GPR107: variants seen among roughly 807,000 people sequenced by gnomAD.
The protein encoded by GPR107 is G protein-coupled receptor 107.
In GPR107, 31 loss-of-function variants were observed where a neutral mutation model predicts 75.5. The observed-to-expected ratio is 0.41, with a 90% CI of 0.31 to 0.55. The LOEUF (loss-of-function observed/expected upper bound fraction) is 0.55, where lower values mean the gene tolerates loss of function less well. Among genes scored for constraint, GPR107 ranks in the 20% least tolerant of loss-of-function variants. GPR107 has a pLI of 0.26. For synonymous variants in GPR107, 267 were observed against 251.3 expected (o/e 1.06, Z -0.59); for missense variants, 572 against 665.7 (o/e 0.86, Z 1.55).
At chr9:130,128,609 CTT>C in intron 16 of GPR107, 29 bp from the exon 17 acceptor site, 2 of 1,591,570 alleles carry the variant, frequency 1.3e-6, no homozygotes, top group Non-Finnish European at 1.7e-6. Flanking sequence ...TTGCTAATCT[CTT>C]TATTTTGGGG....
At chr9:130,065,054 T>G (rs1271063759) in intron 1 of GPR107, among the ~76,000 whole-genome samples, 1 of 152,182 alleles carries the variant, frequency 6.6e-6, no homozygotes, top group Non-Finnish European at 1.5e-5. Flanking sequence ...AGAAAGAGAA[T>G]GCAATATATA....
intron 1 of GPR107, among the ~76,000 whole-genome samples, chr9:130,061,234 C>T (rs1204848125): frequency 1.3e-5 from 2 of 152,052 alleles, no homozygotes; most frequent in Non-Finnish European, 2.9e-5. Context: ...CAGCTAGCTT[C>T]TAAACACCTG....
intron 9 of GPR107, 54 bp downstream of exon 9, chr9:130,092,435 CTGTT>C (rs1387285974): frequency 4.0e-6 from 6 of 1,484,218 alleles, no homozygotes; most frequent in South Asian, 1.1e-5. Flanking sequence ...AATAATGTCA[CTGTT>C]TGTTGGCTCC....
chr9:130,078,069 A>G (rs1002612749), intron 4 of GPR107, among the ~76,000 whole-genome samples: 1 of 151,996 alleles, frequency 6.6e-6, no homozygotes, highest in African/African-American at 2.4e-5. Flanking sequence ...GGAGGCTGAG[A>G]CAGGAGAATG....
chr9:130,121,775 A>G (rs1429321836), intron 14 of GPR107, among the ~76,000 whole-genome samples: 1 of 152,222 alleles, frequency 6.6e-6, no homozygotes, highest in Non-Finnish European at 1.5e-5. Context: ...CTTGAAACCC[A>G]GCAGTGAAAA....
chr9:130,072,123 C>T (rs968604378), intron 1 of GPR107, among the ~76,000 whole-genome samples: 2 of 150,902 alleles, frequency 1.3e-5, no homozygotes, highest in Non-Finnish European at 2.9e-5. Context: ...CACACACCAC[C>T]ACACCTGGCT....
intron 9 of GPR107, among the ~76,000 whole-genome samples, chr9:130,096,468 CT>C (rs34230243): frequency 0.022 from 2,703 of 122,292 alleles, 32 homozygotes; most frequent in Middle Eastern, 0.037. Context: ...CATTTTTGGA[CT>C]TTTTTTTTTT....
chr9:130,073,571 A>G (rs1830264531), intron 1 of GPR107, among the ~76,000 whole-genome samples: 2 of 152,200 alleles, frequency 1.3e-5, no homozygotes, highest in Non-Finnish European at 2.9e-5. Flanking sequence ...GGAAGTGGAA[A>G]TCCAGCAAAC....
Position 130,099,491 on chromosome 9 carries a change from G to A in GPR107, c.898G>A (p.Ala300Thr), listed in dbSNP as rs1830961701. The A allele has an allele frequency of 6.2e-7, 1 of 1,603,252 alleles. No homozygotes were observed. The change falls in exon 10 of 18, where the codon GCC (alanine) becomes ACC (threonine). Residue 300 changes from alanine (A) to threonine (T), a missense_variant. Coordinates refer to ENST00000347136, the MANE Select transcript of GPR107 (RefSeq NM_020960.5). Reference sequence around the variant, plus strand: ...ATTTAAAATCCACTGGCTGATGGCGGCCCTTCCTTTCACCAAGTCTCTTTC... The same window carrying A: ...ATTTAAAATCCACTGGCTGATGGCGACCCTTCCTTTCACCAAGTCTCTTTC... ...DVFKIHWLMA[A>T]LPFTKSLSLV...
intron 14 of GPR107, among the ~76,000 whole-genome samples, chr9:130,123,320 C>T (rs1351781243): frequency 6.6e-6 from 1 of 152,082 alleles, no homozygotes; most frequent in Admixed American, 6.6e-5. Flanking sequence ...TTCTCCGTCT[C>T]AGCCTCCCAA....
Position 130,079,723 on chromosome 9 carries a change from T to C in GPR107, c.480T>C (p.Pro160=), listed in dbSNP as rs1215887794. 3 of 1,612,656 alleles carry C rather than the reference T, an allele frequency of 1.9e-6. No homozygotes were observed. Among genetic ancestry groups the C allele is most frequent in the African/African-American group, 1.3e-5 (1 of 74,916 alleles). ...AAGTCCTTGGTCAGAGCCAGGAGCC[T>C]AATGTTAACCCTGCTTCAGCAGGCA... is the stretch of plus-strand genomic sequence containing the variant. The part of the protein sequence containing the change: ...DEKVLGQSQE[P]NVNPASAGNQ... The change falls in exon 5 of 18, where the codon CCT becomes CCC. Residue 160 remains proline (P), a synonymous_variant. Coordinates refer to ENST00000347136, the MANE Select transcript of GPR107 (RefSeq NM_020960.5).
At chr9:130,086,383 C>T (rs562244721) in intron 6 of GPR107, 37 bp from the exon 7 acceptor site, 26 of 944,386 alleles carry the variant, frequency 2.8e-5, no homozygotes, top group South Asian at 1.3e-4. Context: ...GCTTCTATGC[C>T]GGTGTCATCC....
At chr9:130,110,550 T>C (rs1831271559) in intron 14 of GPR107, 1 of 663,296 alleles carries the variant, frequency 1.5e-6, no homozygotes, top group Non-Finnish European at 2.8e-6. Context: ...GGGATTGTCA[T>C]TTTGGTTCAT....
chr9:130,092,937 A>G (rs578221702), intron 9 of GPR107, among the ~76,000 whole-genome samples: 1 of 152,182 alleles, frequency 6.6e-6, no homozygotes, highest in African/African-American at 2.4e-5. Flanking sequence ...TTTTAATGGT[A>G]TGCAAGCAAA....
chr9:130,135,935 T>TGACA lies in GPR107; in HGVS notation c.*816_*819dup, dbSNP rs1309605992. Reference sequence around the variant, plus strand: ...TGGCGTTGCCTGGACATCCACTCCCTGACAGCCCAGAGCAGCACTGTCTGG... The same window carrying TGACA: ...TGGCGTTGCCTGGACATCCACTCCCTGACAGACAGCCCAGAGCAGCACTGTCTGG... On this transcript the variant is annotated 3_prime_UTR_variant, in exon 18 of 18. Coordinates refer to ENST00000347136, the MANE Select transcript of GPR107 (RefSeq NM_020960.5). The TGACA allele has an allele frequency of 2.6e-5, 4 of 152,270 alleles. No individual in the cohort carries two copies. The highest frequency in any genetic ancestry group is 6.5e-5 in the Admixed American group (1 of 15,290). The allele number at this position is 152,270 out of a possible 1,614,324, so 9.4% of individuals were successfully genotyped here.
At chr9:130,081,617 G>A (rs1328492939) in intron 5 of GPR107, among the ~76,000 whole-genome samples, 1 of 151,308 alleles carries the variant, frequency 6.6e-6, no homozygotes, top group Non-Finnish European at 1.5e-5. Context: ...AGTTCGCAGT[G>A]AGCCAAGATC....
rs766664393 is a variant in GPR107 at position 130,101,107 on chromosome 9, T to G, written c.1015T>G (p.Leu339Val). 1 of 1,580,928 alleles carries G rather than the reference T, an allele frequency of 6.3e-7. No homozygotes were observed. Among genetic ancestry groups the G allele is most frequent in the Admixed American group, 1.7e-5 (1 of 59,992 alleles). The change falls in exon 12 of 18, where the codon TTG (leucine) becomes GTG (valine). Residue 339 changes from leucine to valine, a missense_variant and splice_region_variant. Physicochemically the swap from Leu to Val is conservative, Grantham distance 32. Transcript: ENST00000347136. ...TCTGTTCCTTGTTTTCTCTTCCAGT[T>G]TGAAAGGGGCGCTACTCTTCATCAC... ...WAVVYYITHL[L>V]KGALLFITIA...
At chr9:130,115,094 T>A (rs759672570) in intron 14 of GPR107, among the ~76,000 whole-genome samples, 7 of 152,202 alleles carry the variant, frequency 4.6e-5, no homozygotes, top group African/African-American at 7.2e-5. Flanking sequence ...TATATTTAAT[T>A]CTTATTTTTC....
chr9:130,134,303 A>C (rs80291352), intron 17 of GPR107, among the ~76,000 whole-genome samples: 1 of 152,310 alleles, frequency 6.6e-6, no homozygotes, highest in East Asian at 1.9e-4. Context: ...TCTAATGGAA[A>C]GGGCTGCCTT....
Sources: gnomAD v4.1 joint callset for allele counts (sites outside exome capture counted in the v4.1 genomes callset) on GRCh38, gnomAD v4.1.1 for gene constraint, MANE v1.5 for transcripts, NCBI Gene and HGNC (gene_info 2026-07-23, HGNC 2026-07-21) for gene names.